STEAP1: variants seen among roughly 807,000 people sequenced by gnomAD.
The protein encoded by STEAP1 is STEAP family member 1, also known as STEAP1 protein.
In STEAP1, 30 loss-of-function variants were observed where a neutral mutation model predicts 34.4. That is an observed-to-expected ratio of 0.87 (90% CI 0.65 to 1.18). STEAP1 has a LOEUF of 1.18. STEAP1 is among the 50% of genes most tolerant of loss of function. The probability of loss-of-function intolerance (pLI) is 0.00; values close to 1 mark genes in which losing one functional copy is unlikely to be tolerated. For missense variants in STEAP1, 318 were observed against 391.1 expected (o/e 0.81, Z 1.58); for synonymous variants, 116 against 135.3 (o/e 0.86, Z 0.99).
intron 2 of STEAP1, 28 bp from the exon 3 acceptor site, chr7:90,160,777 T>C (rs763772807): frequency 3.4e-5 from 54 of 1,595,508 alleles, no homozygotes; most frequent in Non-Finnish European, 1.6e-5. Context: ...TGTTCAATTT[T>C]AAGATGTTAA....
Position 90,161,565 on chromosome 7 carries a change from G to A in STEAP1, c.597+248G>A, listed in dbSNP as rs894099007. Reference sequence around the variant, plus strand: ...CATAAGAAACATTTTGTTCATGGACGAGGCCATATTTCAAACTTCTACCAC... The same window carrying A: ...CATAAGAAACATTTTGTTCATGGACAAGGCCATATTTCAAACTTCTACCAC... On this transcript the variant is annotated intron_variant, in intron 3 of 4. Transcript: ENST00000297205. Among the ~76,000 whole-genome samples, 12 of 152,154 alleles carry A rather than the reference G, an allele frequency of 7.9e-5. No individual in the cohort carries two copies. In the East Asian group the frequency reaches 1.2e-3, roughly 15 times the overall value.
intron 1 of STEAP1, among the ~76,000 whole-genome samples, chr7:90,158,046 T>C (rs1301604540): frequency 2.0e-5 from 3 of 152,190 alleles, no homozygotes; most frequent in East Asian, 3.8e-4. Context: ...TAGTAAGTAT[T>C]TGTGTATCTG....
chr7:90,155,704 T>G (rs1794108815), intron 1 of STEAP1, among the ~76,000 whole-genome samples: 1 of 152,228 alleles, frequency 6.6e-6, no homozygotes, highest in Non-Finnish European at 1.5e-5. Flanking sequence ...GAGTTGACTG[T>G]GGGCCACACA....
In STEAP1 at chr7:90,161,180, T is replaced by C; in HGVS notation, c.460T>C (p.Leu154=). 1 of 1,614,030 alleles carries C rather than the reference T, an allele frequency of 6.2e-7. No homozygotes were observed. The highest frequency in any genetic ancestry group is 1.1e-5 in the South Asian group (1 of 91,082). ...GTKYKKFPHW[L]DKWMLTRKQF... Reference sequence around the variant, plus strand: ...CAAGTATAAGAAGTTTCCACATTGGTTGGATAAGTGGATGTTAACAAGAAA... The same window carrying C: ...CAAGTATAAGAAGTTTCCACATTGGCTGGATAAGTGGATGTTAACAAGAAA... The change falls in exon 3 of 5, where the codon TTG becomes CTG. Residue 154 remains leucine, a synonymous_variant. Coordinates refer to ENST00000297205, the MANE Select transcript of STEAP1 (RefSeq NM_012449.3).
chr7:90,159,315 T>G (rs1271237862), intron 1 of STEAP1, among the ~76,000 whole-genome samples: 1 of 152,210 alleles, frequency 6.6e-6, no homozygotes, highest in Non-Finnish European at 1.5e-5. Context: ...GACTCCAGTG[T>G]CAACCCCAAA....
chr7:90,163,990 G>A (rs1794217959), intron 4 of STEAP1, among the ~76,000 whole-genome samples: 1 of 152,132 alleles, frequency 6.6e-6, no homozygotes, highest in Non-Finnish European at 1.5e-5. Context: ...AAAGATCACT[G>A]AAGTCAAATT....
At chr7:90,157,241 C>T (rs189524756) in intron 1 of STEAP1, among the ~76,000 whole-genome samples, 7 of 152,290 alleles carry the variant, frequency 4.6e-5, no homozygotes, top group Admixed American at 4.6e-4. Context: ...CTCAGGGGCT[C>T]TAAATACTGA....
At chr7:90,158,476 T>C (rs1449888222) in intron 1 of STEAP1, among the ~76,000 whole-genome samples, 1 of 152,140 alleles carries the variant, frequency 6.6e-6, no homozygotes, top group East Asian at 1.9e-4. Context: ...GACTTTTTTG[T>C]TGAAACTAAG....
At position 90,162,323 on chromosome 7, in the gene STEAP1, TTTTG is replaced by T. The variant is rs557216277; in HGVS notation, c.762+261_762+264del. The T allele has an allele frequency of 3.2e-4, 192 of 605,658 alleles. 1 individual carries two copies. Among genetic ancestry groups the T allele is most frequent in the African/African-American group, 2.7e-3 (137 of 51,396 alleles). The allele number at this position is 605,658 out of a possible 1,614,324, so 37.5% of individuals were successfully genotyped here. A position where few individuals can be genotyped will look rare whatever the true frequency, so the allele number is the denominator to read the frequency against. Reference sequence around the variant, plus strand: ...TGTTTTTTTTTTTTGTTTGTTTGTTTTTTGTTTGTTTGTTTGTTTTTTTGAGATG... The same window carrying T: ...TGTTTTTTTTTTTTGTTTGTTTGTTTTTTGTTTGTTTGTTTTTTTGAGATG... On this transcript the variant is annotated intron_variant, in intron 4 of 4. Transcript: ENST00000297205.
intron 3 of STEAP1, 100 bp from the exon 4 acceptor site, chr7:90,161,814 A>G: frequency 6.8e-7 from 1 of 1,463,750 alleles, no homozygotes; most frequent in Non-Finnish European, 9.0e-7. Flanking sequence ...ACCTGTTATC[A>G]GGGCTTCATA....
At chr7:90,157,528 A>G (rs1208578746) in intron 1 of STEAP1, among the ~76,000 whole-genome samples, 1 of 152,242 alleles carries the variant, frequency 6.6e-6, no homozygotes, top group Admixed American at 6.5e-5. Context: ...GGCCTGAGTC[A>G]TATACCCACT....
Position 90,160,893 on chromosome 7 carries a change from C to G in STEAP1, c.173C>G (p.Pro58Arg). ...QTAHADEFDC[P>R]SELQHTQELF... The stretch of plus-strand genomic sequence containing the variant: ...GCCCATGCTGATGAATTTGACTGCC[C>G]TTCAGAACTTCAGCACACACAGGAA... The change falls in exon 3 of 5, where the codon CCT (proline) becomes CGT (arginine). Residue 58 changes from proline (P) to arginine (R), a missense_variant. Transcript: ENST00000297205. The G allele has an allele frequency of 1.9e-6, 3 of 1,614,008 alleles. No homozygotes were observed. The highest frequency in any genetic ancestry group is 2.5e-6 in the Non-Finnish European group (3 of 1,179,868).
At position 90,160,844 on chromosome 7, in the gene STEAP1, G is replaced by A. The variant is rs768459695; in HGVS notation, c.124G>A (p.Val42Met). The A allele has an allele frequency of 4.3e-6, 7 of 1,614,014 alleles. No individual in the cohort carries two copies. Among genetic ancestry groups the A allele is most frequent in the South Asian group, 1.1e-5 (1 of 91,080 alleles). Residue 42 changes from valine (V) to methionine (M), a missense_variant, in exon 3 of 5, where the codon GTG becomes ATG. Transcript: ENST00000297205. The stretch of plus-strand genomic sequence containing the variant: ...AGAGACCAGCATGCTAAAAAGACCT[G>A]TGCTTTTGCATTTGCACCAAACAGC... ...TGETSMLKRP[V>M]LLHLHQTAHA...
chr7:90,160,713 A>C (rs1224267846), intron 2 of STEAP1, 92 bp from the exon 3 acceptor site: 20 of 1,513,612 alleles, frequency 1.3e-5, no homozygotes, highest in Non-Finnish European at 1.8e-5. Flanking sequence ...TTATTCAATG[A>C]GAAGCACAAT....
chr7:90,163,831 C>G (rs1242363884), intron 4 of STEAP1, among the ~76,000 whole-genome samples: 2 of 152,178 alleles, frequency 1.3e-5, no homozygotes, highest in African/African-American at 2.4e-5. Flanking sequence ...CTGGATCTCT[C>G]TATTTTGTGC....
At chr7:90,155,477 G>A (rs1245579824) in intron 1 of STEAP1, among the ~76,000 whole-genome samples, 1 of 152,184 alleles carries the variant, frequency 6.6e-6, no homozygotes, top group Non-Finnish European at 1.5e-5. Context: ...AACAGCAGTC[G>A]CATTAGAAAT....
At chr7:90,157,394 A>G (rs1266298706) in intron 1 of STEAP1, among the ~76,000 whole-genome samples, 2 of 152,240 alleles carry the variant, frequency 1.3e-5, no homozygotes, top group Non-Finnish European at 2.9e-5. Context: ...CTATCTTAAC[A>G]AAATGTTAAA....
chr7:90,162,775 A>C (rs542412729), intron 4 of STEAP1, among the ~76,000 whole-genome samples: 14 of 152,316 alleles, frequency 9.2e-5, no homozygotes, highest in African/African-American at 3.4e-4. Flanking sequence ...TTTATGTTAC[A>C]CAACTTAGCA....
intron 3 of STEAP1, among the ~76,000 whole-genome samples, chr7:90,161,560 T>C (rs184387982): frequency 2.6e-5 from 4 of 152,332 alleles, no homozygotes; most frequent in African/African-American, 9.6e-5. Flanking sequence ...ATTTTGTTCA[T>C]GGACGAGGCC....
Sources: gnomAD v4.1 joint callset for allele counts (sites outside exome capture counted in the v4.1 genomes callset) on GRCh38, gnomAD v4.1.1 for gene constraint, MANE v1.5 for transcripts, NCBI Gene and HGNC (gene_info 2026-07-23, HGNC 2026-07-21) for gene names.